The following POU3F3 variants were observed in gnomAD, a reference collection of about 807,000 sequenced individuals.
The protein encoded by POU3F3 is POU domain, class 3, transcription factor 3.
In POU3F3, 1 loss-of-function variant was observed where a neutral mutation model predicts 8.6. The observed-to-expected ratio is 0.12, with a 90% CI of 0.04 to 0.55. The LOEUF (loss-of-function observed/expected upper bound fraction) is 0.55. Among genes scored for constraint, POU3F3 ranks in the 20% least tolerant of loss-of-function variants. POU3F3 has a pLI of 0.91. For missense variants in POU3F3, 577 were observed against 690.7 expected (o/e 0.84, Z 1.84); for synonymous variants, 418 against 327.4 (o/e 1.28, Z -2.99).
chr2:104,907,139 A>G, the POU3F3 span, among the ~76,000 whole-genome samples: 9 of 152,064 alleles, frequency 5.9e-5, no homozygotes, highest in Admixed American at 2.6e-4. Flanking sequence ...CTAACATGCC[A>G]AGCTCCTTTT....
chr2:104,912,487 A>G, the POU3F3 span, among the ~76,000 whole-genome samples: 2 of 152,208 alleles, frequency 1.3e-5, no homozygotes, highest in African/African-American at 4.8e-5. Flanking sequence ...ACAGATGGGT[A>G]AGGATAATCT....
At chr2:104,859,059 C>A (rs1005464275), downstream of POU3F3, among the ~76,000 whole-genome samples, 3 of 151,474 alleles carry the variant, frequency 2.0e-5, no homozygotes, top group Non-Finnish European at 4.4e-5. Flanking sequence ...GCTTATAAGT[C>A]TTATAAAATA....
chr2:104,866,046 T>G, the POU3F3 span: 1 of 152,198 alleles, frequency 6.6e-6, no homozygotes, highest in African/African-American at 2.4e-5. Flanking sequence ...CTCAGGCAAG[T>G]CTACTGATTC....
In POU3F3 at chr2:104,854,194, G is replaced by A. The variant is rs1002427502; in HGVS notation, c.-1317G>A. 6.6e-6 allele frequency among the ~76,000 whole-genome samples: 1 copy of A among 151,802 alleles called. No homozygotes were observed. Among genetic ancestry groups the A allele is most frequent in the African/African-American group, 2.4e-5 (1 of 41,332 alleles). ...AGCGAGAGCGGGCGCCCGAGAGAGG[G>A]AGAGAGAGAGAGGGAGGGAGAGGAA... On this transcript the variant is annotated 5_prime_UTR_variant, in exon 1 of 1. Coordinates refer to ENST00000361360, the MANE Select transcript of POU3F3 (RefSeq NM_006236.3). The surrounding 1 kb of genome is among the most constrained non-coding windows in gnomAD (Gnocchi z 4.5).
At chr2:104,872,919 G>C in the POU3F3 span, among the ~76,000 whole-genome samples, 2 of 152,098 alleles carry the variant, frequency 1.3e-5, no homozygotes, top group African/African-American at 4.8e-5. This position sits in a 1 kb window ranked among gnomAD's most constrained non-coding sequence, Gnocchi z 4.6. Flanking sequence ...GAGAAAGCGC[G>C]CTCCCTAATC....
chr2:104,904,521 C>A, the POU3F3 span, among the ~76,000 whole-genome samples: 1 of 152,068 alleles, frequency 6.6e-6, no homozygotes, highest in South Asian at 2.1e-4. Flanking sequence ...AGTTAATAAC[C>A]AATAACCTGT....
At chr2:104,889,664 C>T in the POU3F3 span, among the ~76,000 whole-genome samples, 9 of 152,192 alleles carry the variant, frequency 5.9e-5, no homozygotes, top group African/African-American at 2.2e-4. Context: ...AATGTCCAAC[C>T]CTGAGACCCA....
Position 104,856,383 on chromosome 2 carries a change from C to G in POU3F3, c.873C>G (p.Pro291=), listed in dbSNP as rs763440005. Residue 291 remains proline, a synonymous_variant, in exon 1 of 1, where the codon CCC becomes CCG. Coordinates refer to ENST00000361360, the MANE Select transcript of POU3F3 (RefSeq NM_006236.3). The part of the protein sequence containing the change: ...HPPHPHHAQG[P]PHHGGGGGGA... Reference sequence around the variant, plus strand: ...CGCACCCGCACCACGCGCAGGGACCCCCGCACCACGGCGGCGGCGGCGGCG... The same window carrying G: ...CGCACCCGCACCACGCGCAGGGACCGCCGCACCACGGCGGCGGCGGCGGCG... The G allele has an allele frequency of 1.3e-6, 2 of 1,558,116 alleles. No homozygotes were observed. The highest frequency in any genetic ancestry group is 2.3e-5 in the South Asian group (2 of 85,916).
chr2:104,886,996 G>C, the POU3F3 span, among the ~76,000 whole-genome samples: 5,750 of 152,226 alleles, frequency 0.038, 309 homozygotes, highest in African/African-American at 0.12. Context: ...CAGCCCCGAG[G>C]GCTGCTGGTT....
chr2:104,853,591 C>T (rs1676485369), upstream of POU3F3: 1 of 152,340 alleles, frequency 6.6e-6, no homozygotes, highest in Non-Finnish European at 1.5e-5. Flanking sequence ...AATGGTACAT[C>T]CGTGCCGCGC....
the POU3F3 span, among the ~76,000 whole-genome samples, chr2:104,916,544 C>T: frequency 2.4e-4 from 36 of 152,268 alleles, no homozygotes; most frequent in Non-Finnish European, 4.3e-4. Context: ...CCTCTGTGGG[C>T]CTCTTTCCAC....
chr2:104,902,651 C>T, the POU3F3 span, among the ~76,000 whole-genome samples: 1 of 152,176 alleles, frequency 6.6e-6, no homozygotes, highest in Admixed American at 6.5e-5. Flanking sequence ...GTGCATCTCC[C>T]TCACAGTCAT....
chr2:104,918,131 C>T, the POU3F3 span, among the ~76,000 whole-genome samples: 1 of 152,196 alleles, frequency 6.6e-6, no homozygotes, highest in Non-Finnish European at 1.5e-5. Flanking sequence ...CCCTTTGGAA[C>T]ACACTCACTG....
At chr2:104,894,733 A>G in the POU3F3 span, among the ~76,000 whole-genome samples, 2 of 152,220 alleles carry the variant, frequency 1.3e-5, no homozygotes, top group African/African-American at 2.4e-5. Context: ...ACACTGTCCA[A>G]AAAATCTGCA....
Position 104,858,015 on chromosome 2 carries a change from G to A in POU3F3, c.*1002G>A, listed in dbSNP as rs377432639. ...CCCGGCCGCGTACCCAGGCTTTGAC[G>A]GCTGCCATTCAGGGTGGACGATGCC... On this transcript the variant is annotated 3_prime_UTR_variant, in exon 1 of 1. Coordinates refer to ENST00000361360, the MANE Select transcript of POU3F3 (RefSeq NM_006236.3). The A allele has an allele frequency of 5.9e-5, 9 of 152,154 alleles. No homozygotes were observed. The highest frequency in any genetic ancestry group is 1.9e-4 in the African/African-American group (8 of 41,434). 9.4% of individuals were successfully genotyped at this position (152,154 alleles called of 1,614,324 possible). A position where few individuals can be genotyped will look rare whatever the true frequency, so the allele number is the denominator to read the frequency against.
At chr2:104,916,961 G>C in the POU3F3 span, among the ~76,000 whole-genome samples, 1 of 152,158 alleles carries the variant, frequency 6.6e-6, no homozygotes, top group South Asian at 2.1e-4. Context: ...AATGTGGGTG[G>C]GCACCATCCA....
At chr2:104,861,311 C>T (rs1676652192), downstream of POU3F3, among the ~76,000 whole-genome samples, 1 of 152,144 alleles carries the variant, frequency 6.6e-6, no homozygotes, top group Non-Finnish European at 1.5e-5. Flanking sequence ...GGTAATTAAT[C>T]AACTCTAAAA....
the POU3F3 span, among the ~76,000 whole-genome samples, chr2:104,913,911 T>A: frequency 6.6e-6 from 1 of 152,188 alleles, no homozygotes; most frequent in African/African-American, 2.4e-5. Context: ...TATACATAGC[T>A]TTTGCCTTTT....
chr2:104,855,482 C>A lies in POU3F3; in HGVS notation c.-29C>A. 2 of 925,100 alleles carry A rather than the reference C, an allele frequency of 2.2e-6. No homozygotes were observed. The highest frequency in any genetic ancestry group is 2.5e-6 in the Non-Finnish European group (2 of 788,494). The allele number at this position is 925,100 out of a possible 1,614,324, so 57.3% of individuals were successfully genotyped here. A position where few individuals can be genotyped will look rare whatever the true frequency, so the allele number is the denominator to read the frequency against. On this transcript the variant is annotated 5_prime_UTR_variant, in exon 1 of 1. Coordinates refer to ENST00000361360, the MANE Select transcript of POU3F3 (RefSeq NM_006236.3). The stretch of plus-strand genomic sequence containing the variant: ...GCTGCGGCGGCGGCGGCGGTGGTGG[C>A]GGCGGTGGGGTGGCGGGAGCGGAGC...
Sources: allele counts gnomAD v4.1 joint callset (sites outside exome capture counted in the v4.1 genomes callset), GRCh38; gene constraint gnomAD v4.1.1; non-coding constraint Gnocchi (gnomAD v3.1); transcripts MANE v1.5; gene names NCBI Gene and HGNC (gene_info 2026-07-23, HGNC 2026-07-21).